Variants in DYNC1LI2 observed in about 807,000 individuals in gnomAD.
DYNC1LI2 encodes the protein dynein cytoplasmic 1 light intermediate chain 2, also known as cytoplasmic dynein 1 light intermediate chain 2.
In DYNC1LI2, 19 loss-of-function variants were observed where a neutral mutation model predicts 57.8. The ratio of observed to expected loss-of-function variants is 0.33; its 90% confidence interval spans 0.23 to 0.48. The LOEUF is 0.48. Among genes scored for constraint, DYNC1LI2 ranks in the 20% least tolerant of loss-of-function variants. The pLI, the probability that DYNC1LI2 is intolerant of heterozygous loss-of-function variation, is 0.99. For synonymous variants in DYNC1LI2, 256 were observed against 233.4 expected (o/e 1.10, Z -0.88); for missense variants, 470 against 604.2 (o/e 0.78, Z 2.33).
intron 5 of DYNC1LI2, 62 bp downstream of exon 5, chr16:66,736,013 C>T: frequency 2.6e-6 from 4 of 1,556,300 alleles, no homozygotes; most frequent in Non-Finnish European, 3.5e-6. Context: ...GTTTCTCAAA[C>T]TTTCAGATGG....
chr16:66,732,083 G>A, intron 7 of DYNC1LI2: 1 of 424,000 alleles, frequency 2.4e-6, no homozygotes, highest in East Asian at 3.9e-5. Context: ...TACCAGAGTT[G>A]ACAGTGAGTG....
At chr16:66,747,387 C>T (rs571957272) in intron 3 of DYNC1LI2, among the ~76,000 whole-genome samples, 39 of 152,106 alleles carry the variant, frequency 2.6e-4, no homozygotes, top group Non-Finnish European at 4.3e-4. Flanking sequence ...CCCATGCCCT[C>T]TACTAAACAG....
At chr16:66,749,359 C>A (rs777512433) in intron 2 of DYNC1LI2, 46 bp from the exon 3 acceptor site, 1 of 1,579,178 alleles carries the variant, frequency 6.3e-7, no homozygotes, top group South Asian at 1.1e-5. Flanking sequence ...TTATTCCGGG[C>A]AAGGATGGGG....
chr16:66,737,862 C>A (rs1383218557), intron 4 of DYNC1LI2, among the ~76,000 whole-genome samples: 1 of 152,208 alleles, frequency 6.6e-6, no homozygotes, highest in Non-Finnish European at 1.5e-5. Context: ...CACTTCAAGG[C>A]TCTCATGTTG....
chr16:66,728,300 C>G, intron 9 of DYNC1LI2, 58 bp from the exon 10 acceptor site: 1 of 1,602,482 alleles, frequency 6.2e-7, no homozygotes, highest in Non-Finnish European at 8.5e-7. Context: ...CACTGAAGGT[C>G]TAGAGAAAAA....
chr16:66,726,244 A>C (rs1596985127), intron 11 of DYNC1LI2, among the ~76,000 whole-genome samples: 2 of 152,216 alleles, frequency 1.3e-5, no homozygotes, highest in South Asian at 2.1e-4. Context: ...TTAACATTCC[A>C]AACCTGCTGT....
intron 5 of DYNC1LI2, among the ~76,000 whole-genome samples, chr16:66,734,699 T>G (rs1425144007): frequency 6.6e-6 from 1 of 151,840 alleles, no homozygotes. Context: ...TAAAGTACTT[T>G]TAAAACCCAA....
At position 66,751,351 on chromosome 16, in the gene DYNC1LI2, G is replaced by A; in HGVS notation, c.108-5C>T. The stretch of plus-strand genomic sequence containing the variant: ...ACTTCGCTCAGAATGGAGGACCTGT[G>A]GCGACAATGGCAAGAGTGGTCAGCC... On this transcript the variant is annotated splice_region_variant and splice_polypyrimidine_tract_variant and intron_variant, in intron 1 of 12. Coordinates refer to ENST00000258198, the MANE Select transcript of DYNC1LI2 (RefSeq NM_006141.3). This position sits in a 1 kb window ranked among gnomAD's most constrained non-coding sequence, Gnocchi z 5.2. 1 of 1,611,320 alleles carries A rather than the reference G, an allele frequency of 6.2e-7. No individual in the cohort carries two copies.
At position 66,736,259 on chromosome 16, in the gene DYNC1LI2, G is replaced by C. The variant is rs760599906; in HGVS notation, c.530-15C>G. On this transcript the variant is annotated splice_polypyrimidine_tract_variant and intron_variant, in intron 4 of 12. Transcript: ENST00000258198. Reference sequence around the variant, plus strand: ...ATCTTTCACAACTGGGGGAAAAAGAGGAAAAAAAATCACATGCACATAAAT... The same window carrying C: ...ATCTTTCACAACTGGGGGAAAAAGACGAAAAAAAATCACATGCACATAAAT... 6.3e-7 allele frequency: 1 copy of C among 1,599,242 alleles called. No individual in the cohort carries two copies. Among genetic ancestry groups the C allele is most frequent in the Non-Finnish European group, 8.5e-7 (1 of 1,172,798 alleles).
intron 12 of DYNC1LI2, among the ~76,000 whole-genome samples, chr16:66,724,899 AG>A (rs2017509201): frequency 6.6e-6 from 1 of 152,214 alleles, no homozygotes; most frequent in Non-Finnish European, 1.5e-5. Flanking sequence ...AAAAATTAAA[AG>A]TAGGCCAGGT....
intron 11 of DYNC1LI2, among the ~76,000 whole-genome samples, chr16:66,727,170 G>A (rs890190308): frequency 2.0e-5 from 3 of 152,050 alleles, no homozygotes; most frequent in African/African-American, 7.2e-5. Flanking sequence ...CTCCCACCTT[G>A]GCCTCCCAGA....
intron 12 of DYNC1LI2, among the ~76,000 whole-genome samples, chr16:66,725,442 C>T (rs1204106472): frequency 2.6e-5 from 4 of 152,158 alleles, no homozygotes; most frequent in Admixed American, 2.6e-4. Context: ...CGTCATTGCA[C>T]TCCAGCCTGG....
Position 66,734,997 on chromosome 16 carries a change from C to CAAAAA in DYNC1LI2, c.700-691_700-687dup, listed in dbSNP as rs377398071. On this transcript the variant is annotated intron_variant, in intron 5 of 12. Transcript: ENST00000258198. Reference sequence around the variant, plus strand: ...GGGCAACAAGAGTGAAACTCCGTCTCAAAAAAAAAAAAAAAAAAAAAAAAA... The same window carrying CAAAAA: ...GGGCAACAAGAGTGAAACTCCGTCTCAAAAAAAAAAAAAAAAAAAAAAAAAAAAAA... Among the ~76,000 whole-genome samples, 304 of 38,492 alleles carry CAAAAA rather than the reference C, an allele frequency of 7.9e-3. 43 individuals carry two copies. Among genetic ancestry groups the CAAAAA allele is most frequent in the African/African-American group, 0.031 (268 of 8,654 alleles). 25.3% of individuals were successfully genotyped at this position (38,492 alleles called of 152,430 possible).
intron 3 of DYNC1LI2, among the ~76,000 whole-genome samples, chr16:66,747,365 C>T (rs1468926057): frequency 1.3e-5 from 2 of 151,904 alleles, no homozygotes; most frequent in African/African-American, 4.8e-5. Flanking sequence ...CGTGAGCCAC[C>T]GCGCCCAGCC....
At chr16:66,746,178 A>T (rs1284227712) in intron 3 of DYNC1LI2, among the ~76,000 whole-genome samples, 1 of 151,672 alleles carries the variant, frequency 6.6e-6, no homozygotes, top group Non-Finnish European at 1.5e-5. Flanking sequence ...TTTAATGCCT[A>T]CCCATCCACA....
intron 3 of DYNC1LI2, among the ~76,000 whole-genome samples, chr16:66,745,045 A>T (rs1335373637): frequency 6.6e-6 from 1 of 152,002 alleles, no homozygotes; most frequent in South Asian, 2.1e-4. Context: ...AGTAGCTGGG[A>T]TTACAGGAGT....
At chr16:66,742,384 A>G in intron 4 of DYNC1LI2, 54 bp downstream of exon 4, 1 of 1,553,448 alleles carries the variant, frequency 6.4e-7, no homozygotes, top group Admixed American at 1.8e-5. Context: ...AGTGATTCAA[A>G]CCATCTAAAG....
rs1297099159 is a variant in DYNC1LI2, at chr16:66,723,458, G to T, written c.*264C>A. The T allele has an allele frequency of 1.7e-6, 1 of 572,972 alleles. No individual in the cohort carries two copies. Among genetic ancestry groups the T allele is most frequent in the Non-Finnish European group, 3.3e-6 (1 of 303,846 alleles). The allele number at this position is 572,972 out of a possible 1,614,324, so 35.5% of individuals were successfully genotyped here. The stretch of plus-strand genomic sequence containing the variant: ...TTTCACTCTACCTTCCCCTCCACAA[G>T]AAGCCCAGATGTGCTTGCCTCCCAC... On this transcript the variant is annotated 3_prime_UTR_variant, in exon 13 of 13. Transcript: ENST00000258198.
At chr16:66,750,872 T>C (rs573262319) in intron 2 of DYNC1LI2, among the ~76,000 whole-genome samples, 48 of 152,298 alleles carry the variant, frequency 3.2e-4, no homozygotes, top group African/African-American at 1.1e-3. Flanking sequence ...GACTATGCAC[T>C]ACTGATGAGG....
Sources: allele counts gnomAD v4.1 joint callset (sites outside exome capture counted in the v4.1 genomes callset), GRCh38; gene constraint gnomAD v4.1.1; non-coding constraint Gnocchi (gnomAD v3.1); transcripts MANE v1.5; gene names NCBI Gene and HGNC (gene_info 2026-07-23, HGNC 2026-07-21).